The following SPTAN1 variants were observed in gnomAD, a reference collection of about 807,000 sequenced individuals.
The protein encoded by SPTAN1 is spectrin alpha, non-erythrocytic 1, also known as spectrin alpha chain, non-erythrocytic 1.
Under a neutral mutation model 331.3 loss-of-function variants are expected in SPTAN1, and 61 were observed. That is an observed-to-expected ratio of 0.18 (90% CI 0.15 to 0.23). The LOEUF is 0.23. Ranked by LOEUF, SPTAN1 falls within the 10% of genes least tolerant of loss-of-function variation. The pLI is 1.00. For synonymous variants in SPTAN1, 1,153 were observed against 1,173.9 expected, an observed-to-expected ratio of 0.98 and a Z score of 0.36; for missense variants, 2,043 against 3,147.9, an observed-to-expected ratio of 0.65 and a Z score of 8.40.
At chr9:128,626,741 G>C (rs1348233221) in intron 49 of SPTAN1, 54 bp downstream of exon 49, 2 of 1,541,480 alleles carry the variant, frequency 1.3e-6, no homozygotes, top group African/African-American at 1.4e-5. Context: ...CCCTCTCTGG[G>C]CCCTGCTCAG....
intron 2 of SPTAN1, among the ~76,000 whole-genome samples, chr9:128,567,706 G>A (rs1024368685): frequency 6.6e-6 from 1 of 152,036 alleles, no homozygotes; most frequent in Non-Finnish European, 1.5e-5. Flanking sequence ...TCAGAGACTT[G>A]GTAAATCTTA....
At chr9:128,603,700 T>C in intron 28 of SPTAN1, 110 bp downstream of exon 28, 5 of 1,319,698 alleles carry the variant, frequency 3.8e-6, no homozygotes, top group Non-Finnish European at 5.5e-6. Flanking sequence ...CTGTGACATA[T>C]CTCACTCTAT....
At chr9:128,621,623 G>C (rs1857868172) in intron 45 of SPTAN1, 3 of 350,016 alleles carry the variant, frequency 8.6e-6, no homozygotes, top group South Asian at 4.9e-5. Flanking sequence ...CCACACATTA[G>C]ATCTTTGTGT....
chr9:128,576,688 A>C (rs938173127), intron 5 of SPTAN1, 135 bp from the exon 6 acceptor site: 1 of 1,176,044 alleles, frequency 8.5e-7, no homozygotes, highest in Non-Finnish European at 1.2e-6. Context: ...ACTTTGTATC[A>C]TGTTGACCAT....
rs774367720 is a variant in SPTAN1, at chr9:128,627,292, G to T, written c.6577-94G>T. 5 of 1,126,616 alleles carry T rather than the reference G, an allele frequency of 4.4e-6. No homozygotes were observed. The highest frequency in any genetic ancestry group is 6.5e-6 in the Non-Finnish European group (5 of 770,814). 69.8% of individuals were successfully genotyped at this position (1,126,616 alleles called of 1,614,324 possible). A position where few individuals can be genotyped will look rare whatever the true frequency, so the allele number is the denominator to read the frequency against. On this transcript the variant is annotated intron_variant, in intron 49 of 56. Coordinates refer to ENST00000372739, the MANE Select transcript of SPTAN1 (RefSeq NM_001130438.3). The surrounding 1 kb of genome is among the most constrained non-coding windows in gnomAD (Gnocchi z 4.9). ...TCTCATCTTTGGGGAGGTTCCTTGT[G>T]GGGAGGCCACCACCACCCTGAGCCC...
chr9:128,562,249 C>T (rs1318969383), intron 1 of SPTAN1, among the ~76,000 whole-genome samples: 1 of 152,088 alleles, frequency 6.6e-6, no homozygotes, highest in Non-Finnish European at 1.5e-5. Context: ...GCTACAGGCG[C>T]GTGCCACCAC....
At position 128,627,355 on chromosome 9, in the gene SPTAN1, C is replaced by T. The variant is rs758975554; in HGVS notation, c.6577-31C>T. The T allele has an allele frequency of 1.1e-5, 17 of 1,532,156 alleles. No individual in the cohort carries two copies. The Admixed American group carries it at 2.0e-4, about 18-fold the overall frequency. 94.9% of individuals were successfully genotyped at this position (1,532,156 alleles called of 1,614,324 possible). A position where few individuals can be genotyped will look rare whatever the true frequency, so the allele number is the denominator to read the frequency against. On this transcript the variant is annotated intron_variant, in intron 49 of 56. Transcript: ENST00000372739. This position sits in a 1 kb window ranked among gnomAD's most constrained non-coding sequence, Gnocchi z 4.9. The stretch of plus-strand genomic sequence containing the variant: ...GGGGCTGGTGTCACTGCCACAGCAG[C>T]GCACAGCATCTGCCCCCCTTTGGCC...
chr9:128,611,684 GT>G, intron 37 of SPTAN1, 29 bp from the exon 38 acceptor site: 3 of 1,612,816 alleles, frequency 1.9e-6, no homozygotes, highest in Non-Finnish European at 2.5e-6. Flanking sequence ...GCAGGAACTG[GT>G]TTGGAAAAAA....
chr9:128,594,091 G>A (rs1238047052), intron 23 of SPTAN1, 84 bp from the exon 24 acceptor site: 1 of 1,300,884 alleles, frequency 7.7e-7, no homozygotes. Flanking sequence ...ACATCTTGGA[G>A]ACACCTCGTG....
At chr9:128,576,707 G>C (rs564728653) in intron 5 of SPTAN1, 116 bp from the exon 6 acceptor site, 28 of 1,345,162 alleles carry the variant, frequency 2.1e-5, no homozygotes, top group Non-Finnish European at 2.6e-5. Context: ...ATTATTTCTT[G>C]TGATTCTCTT....
At chr9:128,609,043 C>G in intron 35 of SPTAN1, 66 bp downstream of exon 35, 1 of 1,613,814 alleles carries the variant, frequency 6.2e-7, no homozygotes, top group Non-Finnish European at 8.5e-7. Flanking sequence ...ATACGAAGGC[C>G]CAGGCCTGTT....
At chr9:128,605,565 AGGG>A in intron 31 of SPTAN1, 88 bp downstream of exon 31, 1 of 1,514,432 alleles carries the variant, frequency 6.6e-7, no homozygotes, top group South Asian at 1.2e-5. Flanking sequence ...CATGCTCAGC[AGGG>A]TACAATGGCT....
At chr9:128,598,369 G>C (rs376334112) in intron 24 of SPTAN1, 31 bp from the exon 25 acceptor site, 105 of 1,572,342 alleles carry the variant, frequency 6.7e-5, no homozygotes, top group Non-Finnish European at 8.8e-5. Flanking sequence ...TGCTATTTTG[G>C]GTTTTAGTTA....
At chr9:128,595,751 C>T (rs1854189039) in intron 24 of SPTAN1, 2 of 152,186 alleles carry the variant, frequency 1.3e-5, no homozygotes. Context: ...TCATCTGCTG[C>T]TTGCCTCCAG....
At chr9:128,581,184 G>A in intron 11 of SPTAN1, 125 bp downstream of exon 11, 1 of 1,324,672 alleles carries the variant, frequency 7.5e-7, no homozygotes, top group South Asian at 1.3e-5. Context: ...CATTGAAGAG[G>A]GGGAATTGAG....
chr9:128,632,509 G>C, intron 54 of SPTAN1, 25 bp downstream of exon 54: 1 of 1,614,160 alleles, frequency 6.2e-7, no homozygotes, highest in Non-Finnish European at 8.5e-7. Flanking sequence ...ACTCGCCCTG[G>C]CTGGGTGGGG....
At position 128,598,617 on chromosome 9, in the gene SPTAN1, G is replaced by A. The variant is rs901084446; in HGVS notation, c.3519+113G>A. ...GTTTCATAACACAGAACTGTGGCTTGGCTGTAGGTCAGGTCCTCTATGTGA... is the reference window on the plus strand; with the variant it reads ...GTTTCATAACACAGAACTGTGGCTTAGCTGTAGGTCAGGTCCTCTATGTGA... On this transcript the variant is annotated intron_variant, in intron 25 of 56. Transcript: ENST00000372739. 7.3e-6 allele frequency: 7 copies of A among 952,564 alleles called. No individual in the cohort carries two copies. The African/African-American group carries it at 1.1e-4, about 15-fold the overall frequency. The allele number at this position is 952,564 out of a possible 1,614,324, so 59.0% of individuals were successfully genotyped here.
In SPTAN1 at chr9:128,627,158, C is replaced by CT. The variant is rs1858884655; in HGVS notation, c.6577-228_6577-227insT. 1.6e-6 allele frequency: 1 copy of CT among 628,616 alleles called. No individual in the cohort carries two copies. The highest frequency in any genetic ancestry group is 2.9e-6 in the Non-Finnish European group (1 of 340,862). The allele number at this position is 628,616 out of a possible 1,614,324, so 38.9% of individuals were successfully genotyped here. On this transcript the variant is annotated intron_variant, in intron 49 of 56. Coordinates refer to ENST00000372739, the MANE Select transcript of SPTAN1 (RefSeq NM_001130438.3). This position sits in a 1 kb window ranked among gnomAD's most constrained non-coding sequence, Gnocchi z 4.9. Reference sequence around the variant, plus strand: ...GTCCAGCAACTCCCTGCTTGACTGACCAGTCGCTTCCCTCCAGGTCCGCCT... The same window carrying CT: ...GTCCAGCAACTCCCTGCTTGACTGACTCAGTCGCTTCCCTCCAGGTCCGCCT...
intron 1 of SPTAN1, among the ~76,000 whole-genome samples, chr9:128,560,888 T>C (rs906215522): frequency 6.6e-6 from 1 of 151,084 alleles, no homozygotes; most frequent in African/African-American, 2.4e-5. Context: ...TGGTGGCGGG[T>C]GCCTGTAATC....
Sources: gnomAD v4.1 joint callset for allele counts (sites outside exome capture counted in the v4.1 genomes callset) on GRCh38, gnomAD v4.1.1 for gene constraint, Gnocchi (gnomAD v3.1) non-coding constraint, MANE v1.5 for transcripts, NCBI Gene and HGNC (gene_info 2026-07-23, HGNC 2026-07-21) for gene names.